The following NIPBL variants were observed in gnomAD, a reference collection of about 807,000 sequenced individuals.
NIPBL encodes nipped-B-like protein.
In NIPBL, 19 loss-of-function variants were observed where a neutral mutation model predicts 321.8. That is an observed-to-expected ratio of 0.06 (90% CI 0.04 to 0.09). NIPBL has a LOEUF of 0.09. NIPBL is among the 10% of genes least tolerant of loss of function. The pLI, the probability that NIPBL is intolerant of heterozygous loss-of-function variation, is 1.00. For synonymous variants in NIPBL, 1,106 were observed against 1,114.1 expected, an observed-to-expected ratio of 0.99 and a Z score of 0.14; for missense variants, 2,210 against 3,327.0, an observed-to-expected ratio of 0.66 and a Z score of 8.26.
intron 17 of NIPBL, 113 bp downstream of exon 17, chr5:37,006,701 G>T: frequency 1.5e-6 from 1 of 654,584 alleles, no homozygotes; most frequent in Non-Finnish European, 2.7e-6. Flanking sequence ...AATAAACACT[G>T]ATTTTGATTA....
chr5:36,971,060 G>T (rs776644032), intron 7 of NIPBL, 24 bp downstream of exon 7: 1 of 1,584,830 alleles, frequency 6.3e-7, no homozygotes, highest in Non-Finnish European at 8.7e-7. Flanking sequence ...TATCATTAAG[G>T]TGATAAAATA....
In NIPBL at chr5:37,019,349, A is replaced by G. The variant is rs145952190; in HGVS notation, c.4959A>G (p.Lys1653=). 8.6e-5 allele frequency: 139 copies of G among 1,613,344 alleles called. No individual in the cohort carries two copies. The African/African-American group carries it at 1.5e-3, about 18-fold the overall frequency. The stretch of plus-strand genomic sequence containing the variant: ...AAGATGAAATCCAACAATTACAAAA[A>G]GCATTGCTTGATTACTTGGATGAAA... ...GGEDEIQQLQ[K]ALLDYLDENT... The change falls in exon 25 of 47, where the codon AAA becomes AAG. Residue 1653 remains lysine (K), a synonymous_variant. Transcript: ENST00000282516.
In NIPBL at chr5:36,962,251, C is replaced by G; in HGVS notation, c.587C>G (p.Thr196Arg). 1 of 1,614,060 alleles carries G rather than the reference C, an allele frequency of 6.2e-7. No individual in the cohort carries two copies. The highest frequency in any genetic ancestry group is 2.2e-5 in the East Asian group (1 of 44,874). ...CCATATTCCCATCCTTCAAGTTACA[C>G]AACACATCCACAGATGCAACAAGGT... The part of the protein sequence containing the change: ...YMPYSHPSSY[T>R]THPQMQQASV... The change falls in exon 6 of 47, where the codon ACA (threonine) becomes AGA (arginine). Residue 196 changes from threonine (T) to arginine (R), a missense_variant. Transcript: ENST00000282516.
intron 1 of NIPBL, among the ~76,000 whole-genome samples, chr5:36,920,036 C>A (rs1748807226): frequency 6.6e-6 from 1 of 151,984 alleles, no homozygotes; most frequent in African/African-American, 2.4e-5. Flanking sequence ...TTGCCATTTT[C>A]AGGATAGAAA....
intron 37 of NIPBL, 58 bp from the exon 38 acceptor site, chr5:37,046,051 T>C: frequency 1.1e-6 from 1 of 890,214 alleles, no homozygotes; most frequent in Non-Finnish European, 1.9e-6. Flanking sequence ...TCCTTTATAG[T>C]TGAAAATTAA....
chr5:36,928,569 T>G (rs1749538054), intron 1 of NIPBL, among the ~76,000 whole-genome samples: 1 of 152,216 alleles, frequency 6.6e-6, no homozygotes. Context: ...TGAGGTATGA[T>G]CCGCTTAATA....
At chr5:37,050,922 T>G (rs975979355) in intron 40 of NIPBL, 1 of 152,172 alleles carries the variant, frequency 6.6e-6, no homozygotes, top group Non-Finnish European at 1.5e-5. Flanking sequence ...CTCCGCCTCC[T>G]GGATTCAAGC....
rs191778176 is a variant in NIPBL, at chr5:37,021,130, C to T, written c.5328+253C>T. 3.3e-5 allele frequency among the ~76,000 whole-genome samples: 5 copies of T among 152,298 alleles called. No individual in the cohort carries two copies. In the East Asian group the frequency reaches 9.7e-4, roughly 29 times the overall value. On this transcript the variant is annotated intron_variant, in intron 27 of 46. Transcript: ENST00000282516. ...CCTGACCAACATGGTGAAACCCCGT[C>T]TCTACTAAAAATACAAAAATTAGCG...
At chr5:37,004,336 A>G (rs1747166467) in intron 16 of NIPBL, among the ~76,000 whole-genome samples, 1 of 152,090 alleles carries the variant, frequency 6.6e-6, no homozygotes. Context: ...ACATTAATGA[A>G]TGCAAACACT....
At chr5:37,031,542 G>GC (rs2149711215) in intron 32 of NIPBL, among the ~76,000 whole-genome samples, 1 of 152,244 alleles carries the variant, frequency 6.6e-6, no homozygotes, top group Non-Finnish European at 1.5e-5. Context: ...ATTTTACAGT[G>GC]CCATTCATTT....
intron 1 of NIPBL, among the ~76,000 whole-genome samples, chr5:36,902,604 A>G (rs1747317300): frequency 6.6e-6 from 1 of 152,018 alleles, no homozygotes; most frequent in African/African-American, 2.4e-5. Flanking sequence ...TTGTCTGTGT[A>G]TCTGTTTTTG....
At chr5:36,968,125 A>T (rs1183245523) in intron 6 of NIPBL, among the ~76,000 whole-genome samples, 1 of 151,328 alleles carries the variant, frequency 6.6e-6, no homozygotes, top group Non-Finnish European at 1.5e-5. Flanking sequence ...AAAACAAAAA[A>T]CGAATAAGCA....
In NIPBL at chr5:36,986,119, G is replaced by A. The variant is rs748989594; in HGVS notation, c.2939G>A (p.Gly980Glu). Residue 980 changes from glycine to glutamate, a missense_variant, in exon 10 of 47, where the codon GGA (glycine) becomes GAA (glutamate). Physicochemically the swap from Gly to Glu is moderately conservative, Grantham distance 98 (BLOSUM62 -2). Around this residue, in one of 14 missense-constraint regions of NIPBL, gnomAD observed 588 missense variants for 564.1 expected, o/e 1.04. Coordinates refer to ENST00000282516, the MANE Select transcript of NIPBL (RefSeq NM_133433.4). ...TQETKKMEMK[G>E]EPKDKVEKIG... ...GAGACAAAGAAAATGGAAATGAAAG[G>A]AGAGCCGAAAGACAAAGTAGAAAAA... 4.3e-6 allele frequency: 7 copies of A among 1,613,718 alleles called. No homozygotes were observed. In the African/African-American group the frequency reaches 6.7e-5, roughly 15 times the overall value.
At chr5:36,993,375 G>A (rs1745767346) in intron 10 of NIPBL, among the ~76,000 whole-genome samples, 1 of 152,116 alleles carries the variant, frequency 6.6e-6, no homozygotes, top group South Asian at 2.1e-4. Context: ...TTAATGTAGG[G>A]AATAAGAAAG....
At chr5:37,005,839 A>G (rs1747367918) in intron 16 of NIPBL, among the ~76,000 whole-genome samples, 1 of 152,176 alleles carries the variant, frequency 6.6e-6, no homozygotes, top group African/African-American at 2.4e-5. Context: ...AAAAGTCTTC[A>G]TTAGTCTGCA....
chr5:37,048,772 A>T, intron 39 of NIPBL, 97 bp downstream of exon 39: 3 of 1,072,998 alleles, frequency 2.8e-6, no homozygotes, highest in Non-Finnish European at 4.1e-6. Flanking sequence ...TATTTGTTAG[A>T]TGAAGAAATT....
intron 37 of NIPBL, 129 bp downstream of exon 37, chr5:37,045,726 A>T (rs1752906188): frequency 6.0e-6 from 6 of 1,006,188 alleles, no homozygotes; most frequent in Non-Finnish European, 9.2e-6. Context: ...TTCTGAAAAC[A>T]GTGCTGCTCA....
At chr5:36,881,745 G>C (rs972029709) in intron 1 of NIPBL, among the ~76,000 whole-genome samples, 4 of 151,778 alleles carry the variant, frequency 2.6e-5, no homozygotes, top group Non-Finnish European at 5.9e-5. Context: ...TGTACTTCAG[G>C]CAAAGAAGCT....
At chr5:36,912,931 A>AG (rs1748159866) in intron 1 of NIPBL, among the ~76,000 whole-genome samples, 1 of 152,148 alleles carries the variant, frequency 6.6e-6, no homozygotes, top group African/African-American at 2.4e-5. Flanking sequence ...TTTAATCATG[A>AG]GGGGAAAAAA....
Sources: gnomAD v4.1 joint callset for allele counts (sites outside exome capture counted in the v4.1 genomes callset) on GRCh38, gnomAD v4.1.1 for gene constraint, gnomAD v4.1.1 regional missense constraint, MANE v1.5 for transcripts, NCBI Gene and HGNC (gene_info 2026-07-23, HGNC 2026-07-21) for gene names.